Variants in KCTD8 observed in about 807,000 individuals in gnomAD.
The protein encoded by KCTD8 is BTB/POZ domain-containing protein KCTD8.
A neutral mutation model predicts 31.5 loss-of-function variants in KCTD8; 27 were observed. The ratio of observed to expected loss-of-function variants is 0.86; its 90% confidence interval spans 0.63 to 1.18. The LOEUF (loss-of-function observed/expected upper bound fraction) is 1.18, where lower values mean the gene tolerates loss of function less well. KCTD8 is among the 50% of genes most tolerant of loss of function. The pLI is 0.00. For synonymous variants in KCTD8, 290 were observed against 280.0 expected (o/e 1.04, Z -0.36); for missense variants, 658 against 647.7 (o/e 1.02, Z -0.17).
chr4:44,250,877 G>C (rs1267114139), intron 1 of KCTD8, among the ~76,000 whole-genome samples: 1 of 151,622 alleles, frequency 6.6e-6, no homozygotes, highest in Non-Finnish European at 1.5e-5. Flanking sequence ...CATTTACTTA[G>C]TGTGTCTTGA....
At chr4:44,402,512 C>T (rs747853530) in intron 1 of KCTD8, among the ~76,000 whole-genome samples, 1 of 151,942 alleles carries the variant, frequency 6.6e-6, no homozygotes, top group Non-Finnish European at 1.5e-5. Flanking sequence ...CGGTAGTGCC[C>T]CCATAAACCA....
At chr4:44,206,982 G>T (rs1209475785) in intron 1 of KCTD8, among the ~76,000 whole-genome samples, 1 of 152,174 alleles carries the variant, frequency 6.6e-6, no homozygotes, top group East Asian at 1.9e-4. Context: ...GTCCTTTTAA[G>T]AGCTGACTTT....
At chr4:44,425,864 AGGGAC>A (rs1174989759) in intron 1 of KCTD8, among the ~76,000 whole-genome samples, 1 of 151,926 alleles carries the variant, frequency 6.6e-6, no homozygotes, top group East Asian at 1.9e-4. Flanking sequence ...TAATTTGGGG[AGGGAC>A]CCAGCTAGTG....
chr4:44,292,873 T>C (rs1717321041), intron 1 of KCTD8, among the ~76,000 whole-genome samples: 1 of 152,108 alleles, frequency 6.6e-6, no homozygotes, highest in African/African-American at 2.4e-5. Context: ...GTTTTAATTA[T>C]AACTTTGAAT....
chr4:44,305,244 A>G (rs912486260), intron 1 of KCTD8, among the ~76,000 whole-genome samples: 16 of 151,580 alleles, frequency 1.1e-4, no homozygotes, highest in African/African-American at 3.9e-4. Flanking sequence ...CGTGATAGAT[A>G]TAAGTATATA....
chr4:44,214,670 A>G (rs1714597627), intron 1 of KCTD8, among the ~76,000 whole-genome samples: 1 of 152,210 alleles, frequency 6.6e-6, no homozygotes. Context: ...CCAACCTCCA[A>G]GCTGTCCTTG....
At chr4:44,213,623 C>T (rs556888916) in intron 1 of KCTD8, among the ~76,000 whole-genome samples, 1 of 152,210 alleles carries the variant, frequency 6.6e-6, no homozygotes, top group East Asian at 1.9e-4. Context: ...AGTTTTATCT[C>T]CATATCTAGA....
chr4:44,201,719 C>A (rs1467447824), intron 1 of KCTD8, among the ~76,000 whole-genome samples: 1 of 152,036 alleles, frequency 6.6e-6, no homozygotes, highest in African/African-American at 2.4e-5. Context: ...CTAGGAAATA[C>A]CCTTCTTGAT....
In KCTD8 at chr4:44,174,536, C is replaced by T. The variant is rs553954911; in HGVS notation, c.*254G>A. 1.4e-4 allele frequency: 50 copies of T among 354,960 alleles called. No individual in the cohort carries two copies. Among genetic ancestry groups the T allele is most frequent in the South Asian group, 3.3e-4 (4 of 12,022 alleles). The allele number at this position is 354,960 out of a possible 1,614,324, so 22.0% of individuals were successfully genotyped here. A position where few individuals can be genotyped will look rare whatever the true frequency, so the allele number is the denominator to read the frequency against. On this transcript the variant is annotated 3_prime_UTR_variant, in exon 2 of 2. Coordinates refer to ENST00000360029, the MANE Select transcript of KCTD8 (RefSeq NM_198353.3). ...AGCTTGATCATGCACATTTTACTTT[C>T]ATTCTTGTAAAATGGTTTGAATCAG...
At position 44,250,754 on chromosome 4, in the gene KCTD8, T is replaced by C. The variant is rs184823443; in HGVS notation, c.962-75504A>G. ...AGTCATTGTCCCATTGTTATTTAAT[T>C]GTGCTTTTTGTTCTTATTCATTTGC... On this transcript the variant is annotated intron_variant, in intron 1 of 1. Transcript: ENST00000360029. 5.9e-5 allele frequency among the ~76,000 whole-genome samples: 9 copies of C among 151,932 alleles called. No homozygotes were observed. In the East Asian group the frequency reaches 1.7e-3, roughly 29 times the overall value.
At position 44,275,792 on chromosome 4, in the gene KCTD8, C is replaced by T. The variant is rs894382674; in HGVS notation, c.962-100542G>A. On this transcript the variant is annotated intron_variant, in intron 1 of 1. Coordinates refer to ENST00000360029, the MANE Select transcript of KCTD8 (RefSeq NM_198353.3). ...GGCAATATTCAGAGAGGTTCAAATG[C>T]CAGCCTAGGGAGAATGCTCTCAGCA... 8.6e-5 allele frequency among the ~76,000 whole-genome samples: 13 copies of T among 152,000 alleles called. No individual in the cohort carries two copies. The South Asian group carries it at 1.2e-3, about 15-fold the overall frequency.
intron 1 of KCTD8, among the ~76,000 whole-genome samples, chr4:44,201,840 T>C (rs1412171663): frequency 2.0e-5 from 3 of 152,022 alleles, no homozygotes; most frequent in African/African-American, 4.8e-5. Flanking sequence ...AAAGTAACTA[T>C]TACTAGAGTA....
At chr4:44,337,211 G>A (rs964076102) in intron 1 of KCTD8, among the ~76,000 whole-genome samples, 2 of 152,128 alleles carry the variant, frequency 1.3e-5, no homozygotes, top group African/African-American at 4.8e-5. Flanking sequence ...GTTCAGTAAA[G>A]ACAGGCTGGT....
At chr4:44,366,398 C>A (rs1217460120) in intron 1 of KCTD8, among the ~76,000 whole-genome samples, 1 of 152,178 alleles carries the variant, frequency 6.6e-6, no homozygotes, top group Non-Finnish European at 1.5e-5. Context: ...AGATCTGATA[C>A]TTTAAAAGTG....
At chr4:44,227,499 TC>T (rs1344413213) in intron 1 of KCTD8, among the ~76,000 whole-genome samples, 2 of 152,200 alleles carry the variant, frequency 1.3e-5, no homozygotes, top group African/African-American at 4.8e-5. Context: ...CAACTATTGA[TC>T]CATGTATCCA....
chr4:44,398,040 T>C (rs1212336638), intron 1 of KCTD8, among the ~76,000 whole-genome samples: 1 of 152,192 alleles, frequency 6.6e-6, no homozygotes, highest in Admixed American at 6.5e-5. Flanking sequence ...AGGAAAATCT[T>C]TGATAGAGAA....
intron 1 of KCTD8, among the ~76,000 whole-genome samples, chr4:44,247,449 TGTGTGTGTGTGC>T (rs1300921964): frequency 6.6e-6 from 1 of 151,796 alleles, no homozygotes; most frequent in Non-Finnish European, 1.5e-5. Context: ...AGTGTGTGTA[TGTGTGTGTGTGC>T]GTGTGTGTGT....
chr4:44,304,484 T>G (rs1717741258), intron 1 of KCTD8, among the ~76,000 whole-genome samples: 1 of 152,188 alleles, frequency 6.6e-6, no homozygotes, highest in Admixed American at 6.5e-5. Flanking sequence ...CTGAATGTCT[T>G]CAGCCTCTTA....
intron 1 of KCTD8, among the ~76,000 whole-genome samples, chr4:44,278,155 A>C (rs756048504): frequency 9.9e-5 from 15 of 152,016 alleles, no homozygotes; most frequent in Non-Finnish European, 1.5e-4. Flanking sequence ...TCTTTTACAC[A>C]GACATATAAA....
Sources: allele counts gnomAD v4.1 joint callset (sites outside exome capture counted in the v4.1 genomes callset), GRCh38; gene constraint gnomAD v4.1.1; transcripts MANE v1.5; gene names NCBI Gene and HGNC (gene_info 2026-07-23, HGNC 2026-07-21).